EMCN: variants seen among roughly 807,000 people sequenced by gnomAD.
EMCN encodes MUC-14.
A neutral mutation model predicts 38.4 loss-of-function variants in EMCN; 37 were observed. That is an observed-to-expected ratio of 0.96 (90% CI 0.74 to 1.27). The LOEUF (loss-of-function observed/expected upper bound fraction) is 1.27, where lower values mean the gene tolerates loss of function less well. Among genes scored for constraint, EMCN ranks in the 50% most tolerant of loss-of-function variants. The probability of loss-of-function intolerance (pLI) is 0.00; values close to 1 mark genes in which losing one functional copy is unlikely to be tolerated. For synonymous variants in EMCN, 95 were observed against 100.8 expected (o/e 0.94, Z 0.35); for missense variants, 318 against 302.8 (o/e 1.05, Z -0.37).
At chr4:100,416,008 T>A in intron 9 of EMCN, 49 bp from the exon 10 acceptor site, 1 of 1,230,768 alleles carries the variant, frequency 8.1e-7, no homozygotes, top group Non-Finnish European at 1.2e-6. Flanking sequence ...ATCAGCATTG[T>A]ATGTTTGTGA....
intron 4 of EMCN, among the ~76,000 whole-genome samples, chr4:100,454,050 C>T (rs1727928922): frequency 6.6e-6 from 1 of 151,304 alleles, no homozygotes; most frequent in Admixed American, 6.6e-5. Flanking sequence ...AGAGGGATAG[C>T]ATTGGGAGAT....
intron 11 of EMCN, among the ~76,000 whole-genome samples, chr4:100,400,354 T>C (rs1332667311): frequency 3.2e-5 from 1 of 31,668 alleles, no homozygotes; most frequent in Non-Finnish European, 5.5e-5. Context: ...CTAGGCCACA[T>C]TTTTTTTTTT....
At chr4:100,475,302 T>TACACACACACACACACACAC (rs59162117) in intron 2 of EMCN, among the ~76,000 whole-genome samples, 193 bp from the exon 3 acceptor site, 12 of 143,040 alleles carry the variant, frequency 8.4e-5, no homozygotes, top group South Asian at 2.3e-4. Flanking sequence ...TTGGGTGGCC[T>TACACACACACACACACACAC]ACACACACAC....
intron 5 of EMCN, among the ~76,000 whole-genome samples, chr4:100,429,341 T>C (rs1727136305): frequency 6.6e-6 from 1 of 152,174 alleles, no homozygotes; most frequent in Non-Finnish European, 1.5e-5. Flanking sequence ...CATGTTGATA[T>C]AATCCTGGAG....
In EMCN at chr4:100,465,522, T is replaced by C. The variant is rs920632082; in HGVS notation, c.277A>G (p.Thr93Ala). Residue 93 changes from threonine to alanine, a missense_variant, in exon 4 of 12, where the codon ACT (threonine) becomes GCT (alanine). Transcript: ENST00000296420. ...SKDEGLKATT[T>A]DVRKNDSIIS... is the part of the protein sequence containing the mutation. Reference sequence around the variant, plus strand: ...ATGGAGTCATTCTTCCTGACATCAGTGGTTGTGGCTTTCAATCCTATAAAA... The same window carrying C: ...ATGGAGTCATTCTTCCTGACATCAGCGGTTGTGGCTTTCAATCCTATAAAA... 12 of 1,603,602 alleles carry C rather than the reference T, an allele frequency of 7.5e-6. No homozygotes were observed. The highest frequency in any genetic ancestry group is 1.3e-5 in the African/African-American group (1 of 74,678).
At chr4:100,418,781 A>G (rs1419089554) in intron 8 of EMCN, among the ~76,000 whole-genome samples, 1 of 152,036 alleles carries the variant, frequency 6.6e-6, no homozygotes, top group Non-Finnish European at 1.5e-5. Context: ...TTCGTTATCT[A>G]TTCATCTGCT....
intron 3 of EMCN, among the ~76,000 whole-genome samples, chr4:100,469,178 C>T (rs1728405046): frequency 6.6e-6 from 1 of 151,964 alleles, no homozygotes; most frequent in Admixed American, 6.6e-5. Flanking sequence ...ACTGTGCTAC[C>T]ACATGCAAAA....
chr4:100,420,881 A>T lies in EMCN; in HGVS notation c.664+401T>A, dbSNP rs1254068718. 2.0e-5 allele frequency among the ~76,000 whole-genome samples: 3 copies of T among 151,972 alleles called. No individual in the cohort carries two copies. In the East Asian group the frequency reaches 5.8e-4, roughly 29 times the overall value. ...TCCCAGGAGGGAAATTAGTCACGGG[A>T]CATTTTTTGAGATTATGGGCCCCTG... On this transcript the variant is annotated intron_variant, in intron 8 of 11. Coordinates refer to ENST00000296420, the MANE Select transcript of EMCN (RefSeq NM_016242.4).
intron 11 of EMCN, among the ~76,000 whole-genome samples, chr4:100,404,205 T>G (rs1048252931): frequency 1.3e-5 from 2 of 152,188 alleles, no homozygotes; most frequent in Non-Finnish European, 1.5e-5. Flanking sequence ...ATTCAAGTCT[T>G]CAATCCATCT....
intron 4 of EMCN, among the ~76,000 whole-genome samples, chr4:100,456,524 T>A (rs1052013095): frequency 6.6e-6 from 1 of 152,186 alleles, no homozygotes; most frequent in African/African-American, 2.4e-5. Flanking sequence ...GTACTGCATA[T>A]TTTTGCTATC....
At chr4:100,497,054 G>A (rs1363273169) in intron 1 of EMCN, among the ~76,000 whole-genome samples, 2 of 151,236 alleles carry the variant, frequency 1.3e-5, no homozygotes, top group Non-Finnish European at 1.5e-5. Flanking sequence ...AGTCAGGGAA[G>A]CCCAAATTTC....
intron 1 of EMCN, among the ~76,000 whole-genome samples, chr4:100,505,703 A>G (rs1488477496): frequency 6.6e-6 from 1 of 152,140 alleles, no homozygotes; most frequent in African/African-American, 2.4e-5. Flanking sequence ...CGCCACATCA[A>G]GTAATGTCTT....
chr4:100,410,201 C>A lies in EMCN; in HGVS notation c.*39+81G>T, dbSNP rs1198263184. The A allele has an allele frequency of 8.1e-6, 8 of 990,428 alleles. No homozygotes were observed. The African/African-American group carries it at 9.7e-5, about 12-fold the overall frequency. 61.4% of individuals were successfully genotyped at this position (990,428 alleles called of 1,614,324 possible). On this transcript the variant is annotated intron_variant, in intron 11 of 11. Coordinates refer to ENST00000296420, the MANE Select transcript of EMCN (RefSeq NM_016242.4). ...CATTAGCTTTCCAGCTTTTGAAATT[C>A]TTTAAAAACAATCTAAGCTGCACCA...
intron 2 of EMCN, among the ~76,000 whole-genome samples, chr4:100,478,532 C>A (rs1728721234): frequency 6.6e-6 from 1 of 150,838 alleles, no homozygotes; most frequent in African/African-American, 2.4e-5. Flanking sequence ...CCTTGACAAC[C>A]AAATTAAGAG....
intron 11 of EMCN, among the ~76,000 whole-genome samples, chr4:100,408,135 A>G (rs534537924): frequency 6.6e-6 from 1 of 152,254 alleles, no homozygotes; most frequent in South Asian, 2.1e-4. Flanking sequence ...GTTTTGTTGA[A>G]TTCCTCAGAT....
chr4:100,443,039 AG>A (rs1304003019), intron 5 of EMCN, among the ~76,000 whole-genome samples: 2 of 152,074 alleles, frequency 1.3e-5, no homozygotes, highest in African/African-American at 2.4e-5. Flanking sequence ...TAGTAGAGAC[AG>A]GGTTTTGCCA....
At chr4:100,412,591 TA>T (rs1165551353) in intron 10 of EMCN, among the ~76,000 whole-genome samples, 1 of 152,206 alleles carries the variant, frequency 6.6e-6, no homozygotes, top group Admixed American at 6.5e-5. Flanking sequence ...ATACATTTTT[TA>T]GTCAATCATG....
intron 5 of EMCN, among the ~76,000 whole-genome samples, chr4:100,432,090 G>A (rs1409113103): frequency 6.6e-6 from 1 of 152,060 alleles, no homozygotes; most frequent in Non-Finnish European, 1.5e-5. Flanking sequence ...TTGTTGTAAT[G>A]GCTATGCAAT....
intron 4 of EMCN, among the ~76,000 whole-genome samples, chr4:100,462,267 G>A (rs571799053): frequency 1.3e-5 from 2 of 152,204 alleles, no homozygotes; most frequent in South Asian, 2.1e-4. Flanking sequence ...AAATGGCTTT[G>A]ATGTATTTTT....
Sources: allele counts gnomAD v4.1 joint callset (sites outside exome capture counted in the v4.1 genomes callset), GRCh38; gene constraint gnomAD v4.1.1; transcripts MANE v1.5; gene names NCBI Gene and HGNC (gene_info 2026-07-23, HGNC 2026-07-21).